Variants in FBN2 observed in about 807,000 individuals in gnomAD.
FBN2 encodes the protein fibrillin 2, also known as fibrillin-2.
Under a neutral mutation model 355.6 loss-of-function variants are expected in FBN2, and 105 were observed. That is an observed-to-expected ratio of 0.30 (90% confidence interval 0.25 to 0.35). FBN2 has a LOEUF of 0.35. FBN2 is among the 10% of genes least tolerant of loss of function. The pLI is 1.00. For synonymous variants in FBN2, 1,350 were observed against 1,301.2 expected, an observed-to-expected ratio of 1.04 and a Z score of -0.81; for missense variants, 3,280 against 3,758.7, an observed-to-expected ratio of 0.87 and a Z score of 3.33.
At chr5:128,293,141 T>C (rs1749376546) in intron 48 of FBN2, among the ~76,000 whole-genome samples, 1 of 152,168 alleles carries the variant, frequency 6.6e-6, no homozygotes. Context: ...TGTATGTGTG[T>C]GTGTGGTCAT....
At chr5:128,292,365 G>A (rs1167816658) in intron 48 of FBN2, among the ~76,000 whole-genome samples, 1 of 151,802 alleles carries the variant, frequency 6.6e-6, no homozygotes, top group Non-Finnish European at 1.5e-5. Context: ...TTTTTTGTGG[G>A]AAGTACTTAT....
At chr5:128,515,506 G>C (rs1282777012) in intron 5 of FBN2, among the ~76,000 whole-genome samples, 14 of 152,146 alleles carry the variant, frequency 9.2e-5, no homozygotes, top group Admixed American at 9.2e-4. Flanking sequence ...GAGAGCCCCT[G>C]ACTAGAGATA....
At position 128,537,709 on chromosome 5, in the gene FBN2, G is replaced by C. The variant is rs943056772; in HGVS notation, c.-106C>G. 1.2e-5 allele frequency: 14 copies of C among 1,151,552 alleles called. No homozygotes were observed. Among genetic ancestry groups the C allele is most frequent in the Admixed American group, 4.0e-5 (2 of 50,168 alleles). The allele number at this position is 1,151,552 out of a possible 1,614,324, so 71.3% of individuals were successfully genotyped here. A position where few individuals can be genotyped will look rare whatever the true frequency, so the allele number is the denominator to read the frequency against. ...TCAGGGTCTAATAAGCCCTTCGTCG[G>C]CTCCGGGGACTCCCTCGGGCTCGGG... is the stretch of plus-strand genomic sequence containing the variant. On this transcript the variant is annotated 5_prime_UTR_variant, in exon 1 of 65. Transcript: ENST00000262464.
rs771472324 is a variant in FBN2 at position 128,261,926 on chromosome 5, G to C, written c.8193-19C>G. On this transcript the variant is annotated intron_variant, in intron 63 of 64. Transcript: ENST00000262464. Reference sequence around the variant, plus strand: ...ACAGTGGCTATTTGCAAAAAGCAAAGTATTGTTAGACTTTATCACTGACTT... The same window carrying C: ...ACAGTGGCTATTTGCAAAAAGCAAACTATTGTTAGACTTTATCACTGACTT... 6 of 1,609,924 alleles carry C rather than the reference G, an allele frequency of 3.7e-6. No individual in the cohort carries two copies. The South Asian group carries it at 6.6e-5, about 18-fold the overall frequency.
At chr5:128,315,397 C>G (rs1421594362) in intron 36 of FBN2, among the ~76,000 whole-genome samples, 1 of 152,086 alleles carries the variant, frequency 6.6e-6, no homozygotes, top group Non-Finnish European at 1.5e-5. Context: ...AAACCGATTC[C>G]AGGTTTCAAA....
intron 4 of FBN2, among the ~76,000 whole-genome samples, chr5:128,526,258 T>C (rs1036842296): frequency 6.6e-6 from 1 of 151,648 alleles, no homozygotes; most frequent in Non-Finnish European, 1.5e-5. Flanking sequence ...AATAACAAGG[T>C]TTGGCAAGTA....
chr5:128,400,040 A>G (rs1443548692), intron 8 of FBN2, among the ~76,000 whole-genome samples: 1 of 152,066 alleles, frequency 6.6e-6, no homozygotes, highest in Non-Finnish European at 1.5e-5. Flanking sequence ...GACTGTAAAA[A>G]TAAAACAAAA....
chr5:128,523,283 A>C (rs1240255125), intron 4 of FBN2, among the ~76,000 whole-genome samples: 1 of 152,154 alleles, frequency 6.6e-6, no homozygotes, highest in East Asian at 1.9e-4. Context: ...GAAGGTATAA[A>C]TCTTTGCTAT....
chr5:128,275,618 T>A (rs986922868), intron 59 of FBN2, among the ~76,000 whole-genome samples: 3 of 152,122 alleles, frequency 2.0e-5, no homozygotes, highest in Admixed American at 2.0e-4. Context: ...GATAAATAAT[T>A]ACTTTTGATA....
At chr5:128,265,278 G>T (rs987434127) in intron 62 of FBN2, among the ~76,000 whole-genome samples, 2 of 152,074 alleles carry the variant, frequency 1.3e-5, no homozygotes, top group African/African-American at 4.8e-5. Flanking sequence ...AAATGATCCT[G>T]CCATGAATAT....
chr5:128,395,859 T>C (rs1410157142), intron 8 of FBN2, among the ~76,000 whole-genome samples: 2 of 152,224 alleles, frequency 1.3e-5, no homozygotes, highest in African/African-American at 4.8e-5. Context: ...TGGATGGTCC[T>C]ATAGGCCATT....
chr5:128,298,205 C>A (rs958818349), intron 48 of FBN2, among the ~76,000 whole-genome samples: 1 of 151,960 alleles, frequency 6.6e-6, no homozygotes, highest in Non-Finnish European at 1.5e-5. Context: ...CCGAGAGATC[C>A]GCTGTTAGTC....
chr5:128,397,478 G>A (rs954365390), intron 8 of FBN2, among the ~76,000 whole-genome samples: 4 of 152,114 alleles, frequency 2.6e-5, no homozygotes, highest in African/African-American at 9.7e-5. Context: ...CTTGAGTCAA[G>A]AGACCTAGTT....
At chr5:128,407,177 CA>C (rs1752947856) in intron 8 of FBN2, among the ~76,000 whole-genome samples, 1 of 152,146 alleles carries the variant, frequency 6.6e-6, no homozygotes, top group Non-Finnish European at 1.5e-5. Context: ...GTCACAGTAG[CA>C]CAAGAGGCTG....
chr5:128,488,911 T>C (rs1402717591), intron 5 of FBN2, among the ~76,000 whole-genome samples: 4 of 152,054 alleles, frequency 2.6e-5, no homozygotes, highest in African/African-American at 9.7e-5. Flanking sequence ...TGTTGGACAT[T>C]TGGGTTGGTT....
intron 25 of FBN2, 23 bp from the exon 26 acceptor site, chr5:128,339,084 A>T: frequency 6.2e-7 from 1 of 1,612,674 alleles, no homozygotes; most frequent in Non-Finnish European, 8.5e-7. Context: ...GTTTAAAAGA[A>T]ATTTAAAAAT....
chr5:128,508,663 G>T (rs980667050), intron 5 of FBN2, among the ~76,000 whole-genome samples: 1 of 151,766 alleles, frequency 6.6e-6, no homozygotes, highest in Non-Finnish European at 1.5e-5. Flanking sequence ...ACATAGTTAC[G>T]TTTTTTGATA....
At position 128,258,822 on chromosome 5, in the gene FBN2, T is replaced by C. The variant is rs1445374437; in HGVS notation, c.*633A>G. The C allele has an allele frequency of 6.5e-6, 1 of 153,240 alleles. No individual in the cohort carries two copies. The highest frequency in any genetic ancestry group is 2.4e-5 in the African/African-American group (1 of 41,442). 9.5% of individuals were successfully genotyped at this position (153,240 alleles called of 1,614,324 possible). ...AAAGGATCTAATGACATTCATGTTT[T>C]TTAAATTATTGATTACACTGCCCAT... is the stretch of plus-strand genomic sequence containing the variant. On this transcript the variant is annotated 3_prime_UTR_variant, in exon 65 of 65. Coordinates refer to ENST00000262464, the MANE Select transcript of FBN2 (RefSeq NM_001999.4).
intron 5 of FBN2, among the ~76,000 whole-genome samples, chr5:128,482,541 GAATTT>G (rs1191009821): frequency 2.0e-5 from 3 of 152,074 alleles, no homozygotes; most frequent in Non-Finnish European, 4.4e-5. Flanking sequence ...TTCGCAATAC[GAATTT>G]AATTCTTTCA....
Sources: allele counts gnomAD v4.1 joint callset (sites outside exome capture counted in the v4.1 genomes callset), GRCh38; gene constraint gnomAD v4.1.1; transcripts MANE v1.5; gene names NCBI Gene and HGNC (gene_info 2026-07-23, HGNC 2026-07-21).